Variants in CLTRN observed in about 807,000 individuals in gnomAD.
The protein encoded by CLTRN is collectrin.
Under a neutral mutation model 14.5 loss-of-function variants are expected in CLTRN, and 12 were observed. The observed-to-expected ratio is 0.83, with a 90% CI of 0.53 to 1.34. The LOEUF is 1.34. Ranked by LOEUF, CLTRN falls within the 40% of genes most tolerant of loss-of-function variation. The pLI is 0.00. For synonymous variants in CLTRN, 58 were observed against 56.5 expected (o/e 1.03, Z -0.12); for missense variants, 154 against 165.1 (o/e 0.93, Z 0.37).
intron 1 of CLTRN, among the ~76,000 whole-genome samples, chrX:15,670,308 AACACACACACACACAC>A (rs753295306): frequency 4.6e-5 from 4 of 86,301 alleles, no homozygotes; most frequent in African/African-American, 1.7e-4. Flanking sequence ...CCAAAAACAA[AACACACACACACACAC>A]ACACACACAC....
At chrX:15,632,211 G>GTT (rs1928710404) in intron 5 of CLTRN, among the ~76,000 whole-genome samples, 1 of 111,849 alleles carries the variant, frequency 8.9e-6, no homozygotes, top group Non-Finnish European at 1.9e-5. Context: ...GTTGAGGAAC[G>GTT]GGGTTTGCTC....
chrX:15,647,929 C>T (rs1177347020), intron 3 of CLTRN, among the ~76,000 whole-genome samples: 3 of 66,988 alleles, frequency 4.5e-5, no homozygotes, highest in Non-Finnish European at 8.5e-5. Flanking sequence ...TCAGGAAATG[C>T]AAAATTGTTA....
chrX:15,646,190 G>A (rs1408964249), intron 3 of CLTRN: 6 of 178,385 alleles, frequency 3.4e-5, no homozygotes, highest in Non-Finnish European at 5.4e-5. Context: ...GCTGCGCGCC[G>A]CAAAGCTCTG....
At chrX:15,655,487 CT>C (rs1929333397) in intron 3 of CLTRN, among the ~76,000 whole-genome samples, 1 of 112,408 alleles carries the variant, frequency 8.9e-6, no homozygotes, top group African/African-American at 3.2e-5. Context: ...CAGCCTCACT[CT>C]GCTGCCTTGC....
chrX:15,654,303 C>T (rs1309150248), intron 3 of CLTRN, among the ~76,000 whole-genome samples: 3 of 112,576 alleles, frequency 2.7e-5, no homozygotes, highest in Non-Finnish European at 5.6e-5. Context: ...AAAGCCTTGC[C>T]TGAGTTAGAC....
chrX:15,631,829 GCTAT>G (rs1928701938), intron 5 of CLTRN, among the ~76,000 whole-genome samples: 1 of 111,818 alleles, frequency 8.9e-6, no homozygotes, highest in South Asian at 3.7e-4. Flanking sequence ...CAGCTCAAAG[GCTAT>G]CTAACAGTAA....
At chrX:15,644,871 CA>C in intron 4 of CLTRN, 44 bp downstream of exon 4, 1 of 835,152 alleles carries the variant, frequency 1.2e-6, no homozygotes, top group Non-Finnish European at 1.7e-6. Context: ...TTGAATTAAT[CA>C]GCAAGTTGAT....
intron 5 of CLTRN, among the ~76,000 whole-genome samples, chrX:15,639,288 C>G (rs1928884500): frequency 8.9e-6 from 1 of 111,862 alleles, no homozygotes; most frequent in Admixed American, 9.5e-5. Context: ...AATCACAACA[C>G]AGATATTAAA....
At chrX:15,646,815 C>G (rs1347399071) in intron 3 of CLTRN, 1 of 328,596 alleles carries the variant, frequency 3.0e-6, no homozygotes, top group African/African-American at 2.7e-5. Flanking sequence ...AGCCTGTCCG[C>G]AGCCTGGTAA....
chrX:15,631,120 C>T (rs980957677), intron 5 of CLTRN, among the ~76,000 whole-genome samples: 1 of 111,971 alleles, frequency 8.9e-6, no homozygotes, highest in Middle Eastern at 4.6e-3. Context: ...CATTTTAATG[C>T]TTTATAAGAG....
At chrX:15,670,078 C>G (rs1262350201) in intron 1 of CLTRN, among the ~76,000 whole-genome samples, 1 of 110,270 alleles carries the variant, frequency 9.1e-6, no homozygotes, top group African/African-American at 3.3e-5. Context: ...GAGTTCAAGA[C>G]AGGCCTGGAC....
chrX:15,665,546 C>A (rs1227143698), upstream of CLTRN, among the ~76,000 whole-genome samples: 1 of 112,084 alleles, frequency 8.9e-6, no homozygotes. Context: ...TGATACAGAG[C>A]AGCACTGTCC....
chrX:15,670,308 A>AACACACACACACACACAC lies in CLTRN; in HGVS notation c.-505-2390_-505-2373dup, dbSNP rs753295306. ...TAAAAAAAACAAAAACCAAAAACAAAACACACACACACACACACACACACA... is the reference window on the plus strand; with the variant it reads ...TAAAAAAAACAAAAACCAAAAACAAAACACACACACACACACACACACACACACACACACACACACACA... On this transcript the variant is annotated intron_variant, in intron 1 of 6. Transcript: ENST00000650271. 7.0e-5 allele frequency among the ~76,000 whole-genome samples: 6 copies of AACACACACACACACACAC among 86,298 alleles called. No homozygotes were observed. In the East Asian group the frequency reaches 1.7e-3, roughly 24 times the overall value. 74.9% of individuals were successfully genotyped at this position (86,298 alleles called of 115,157 possible).
chrX:15,652,760 T>C (rs771912454), intron 3 of CLTRN, among the ~76,000 whole-genome samples: 1 of 111,909 alleles, frequency 8.9e-6, no homozygotes, highest in South Asian at 3.7e-4. Flanking sequence ...GGCTGACCCC[T>C]AACAATATGT....
chrX:15,671,309 A>G (rs1444870977), intron 1 of CLTRN, among the ~76,000 whole-genome samples: 1 of 112,590 alleles, frequency 8.9e-6, no homozygotes, highest in Non-Finnish European at 1.9e-5. Flanking sequence ...ATGATAATCA[A>G]GATAGACCTG....
intron 1 of CLTRN, among the ~76,000 whole-genome samples, chrX:15,674,003 T>G (rs886181366): frequency 8.9e-6 from 1 of 112,335 alleles, no homozygotes; most frequent in Non-Finnish European, 1.9e-5. Flanking sequence ...TATTACACCA[T>G]CTTTAATTTT....
chrX:15,634,468 C>T (rs1374335262), intron 5 of CLTRN, among the ~76,000 whole-genome samples: 2 of 109,944 alleles, frequency 1.8e-5, no homozygotes, highest in East Asian at 5.8e-4. Context: ...ACCATCATCA[C>T]CATCACCATC....
At chrX:15,633,297 C>T (rs1928743865) in intron 5 of CLTRN, among the ~76,000 whole-genome samples, 1 of 112,372 alleles carries the variant, frequency 8.9e-6, no homozygotes, top group Non-Finnish European at 1.9e-5. Flanking sequence ...CAATATTATG[C>T]ATATTTTATT....
intron 5 of CLTRN, among the ~76,000 whole-genome samples, chrX:15,632,687 C>A (rs1406446927): frequency 9.2e-6 from 1 of 108,296 alleles, no homozygotes; most frequent in East Asian, 2.9e-4. Flanking sequence ...GTCAGGAGAT[C>A]AAGACCACCC....
Sources: allele counts gnomAD v4.1 joint callset (sites outside exome capture counted in the v4.1 genomes callset), GRCh38; gene constraint gnomAD v4.1.1; transcripts MANE v1.5; gene names NCBI Gene and HGNC (gene_info 2026-07-23, HGNC 2026-07-21).